Variants in DYNLT5 observed in about 807,000 individuals in gnomAD.
DYNLT5 encodes the protein dynein light chain Tctex-type 5.
DYNLT5 carries 25 observed loss-of-function variants against 19.3 expected under a neutral mutation model. That is an observed-to-expected ratio of 1.30 (90% CI 0.95 to 1.81). DYNLT5 has a LOEUF of 1.81. Ranked by LOEUF, DYNLT5 falls within the 40% of genes most tolerant of loss-of-function variation. DYNLT5 has a pLI of 0.00. For synonymous variants in DYNLT5, 82 were observed against 68.9 expected (o/e 1.19, Z -0.94); for missense variants, 232 against 217.9 (o/e 1.06, Z -0.41).
At chr1:66,773,958 G>A (rs951405935) in intron 3 of DYNLT5, among the ~76,000 whole-genome samples, 1 of 152,100 alleles carries the variant, frequency 6.6e-6, no homozygotes, top group African/African-American at 2.4e-5. Flanking sequence ...GGATGTTTAG[G>A]GGAAAGGTAA....
intron 3 of DYNLT5, among the ~76,000 whole-genome samples, chr1:66,774,386 G>GGGGA (rs1645222807): frequency 7.3e-6 from 1 of 136,092 alleles, no homozygotes; most frequent in Non-Finnish European, 1.6e-5. Flanking sequence ...AGGAGATGAT[G>GGGGA]GGGAGATCTT....
chr1:66,770,614 G>T, intron 3 of DYNLT5, 136 bp downstream of exon 3: 2 of 779,150 alleles, frequency 2.6e-6, no homozygotes, highest in South Asian at 1.4e-5. Context: ...TGAGTGATTT[G>T]ATGTTGCTTT....
chr1:66,756,440 T>C (rs1222243640), intron 2 of DYNLT5, among the ~76,000 whole-genome samples: 1 of 152,192 alleles, frequency 6.6e-6, no homozygotes, highest in African/African-American at 2.4e-5. Context: ...AGTAGAAAAA[T>C]TCTGAAAGCT....
chr1:66,778,988 G>T lies in DYNLT5; in HGVS notation c.*1534G>T, dbSNP rs947254447. On this transcript the variant is annotated 3_prime_UTR_variant, in exon 5 of 5. Coordinates refer to ENST00000282670, the MANE Select transcript of DYNLT5 (RefSeq NM_152665.3). ...CTCCCTTCGTGGAACAACAGCGGGG[G>T]TAATCATATCACTAATTTTGTATGA... Among the ~76,000 whole-genome samples the T allele has an allele frequency of 6.6e-6, 1 of 152,102 alleles. No homozygotes were observed. Among genetic ancestry groups the T allele is most frequent in the African/African-American group, 2.4e-5 (1 of 41,420 alleles).
chr1:66,756,414 G>A (rs2094636090), intron 2 of DYNLT5, among the ~76,000 whole-genome samples: 1 of 152,090 alleles, frequency 6.6e-6, no homozygotes, highest in African/African-American at 2.4e-5. Flanking sequence ...TCTCCTTCAT[G>A]AATGAGGCTT....
At chr1:66,759,769 T>C (rs534692100) in intron 2 of DYNLT5, among the ~76,000 whole-genome samples, 1 of 152,342 alleles carries the variant, frequency 6.6e-6, no homozygotes, top group East Asian at 1.9e-4. Context: ...GATATCGCCA[T>C]TTGGCAAAGA....
chr1:66,767,279 G>A (rs1313394227), intron 2 of DYNLT5, among the ~76,000 whole-genome samples: 1 of 152,064 alleles, frequency 6.6e-6, no homozygotes, highest in Non-Finnish European at 1.5e-5. Flanking sequence ...TTTTGAGACA[G>A]AGTCTTGCTC....
At chr1:66,764,784 A>T (rs2094651773) in intron 2 of DYNLT5, among the ~76,000 whole-genome samples, 1 of 152,244 alleles carries the variant, frequency 6.6e-6, no homozygotes, top group Non-Finnish European at 1.5e-5. Context: ...GTCACAATAA[A>T]TGAGATATGC....
At chr1:66,770,712 G>A in intron 3 of DYNLT5, 1 of 618,022 alleles carries the variant, frequency 1.6e-6, no homozygotes, top group South Asian at 1.6e-5. Context: ...TTCACTGGGT[G>A]GCACTGATGC....
chr1:66,757,481 T>A lies in DYNLT5; in HGVS notation c.119+2704T>A, dbSNP rs974351459. Reference sequence around the variant, plus strand: ...AAACATCTTAAGCTGGATCTTATTATCCTAACTGTTAGTGTGTTGGCATAT... The same window carrying A: ...AAACATCTTAAGCTGGATCTTATTAACCTAACTGTTAGTGTGTTGGCATAT... On this transcript the variant is annotated intron_variant, in intron 2 of 4. Transcript: ENST00000282670. Among the ~76,000 whole-genome samples, 9 of 152,312 alleles carry A rather than the reference T, an allele frequency of 5.9e-5. No individual in the cohort carries two copies. The East Asian group carries it at 1.3e-3, about 23-fold the overall frequency.
At chr1:66,755,776 G>A (rs2094635077) in intron 2 of DYNLT5, 1 of 152,188 alleles carries the variant, frequency 6.6e-6, no homozygotes, top group Non-Finnish European at 1.5e-5. Context: ...AAGTAAAGGT[G>A]GGAGAATGAT....
intron 2 of DYNLT5, among the ~76,000 whole-genome samples, chr1:66,765,453 C>T (rs1455342335): frequency 6.6e-6 from 1 of 152,074 alleles, no homozygotes. Flanking sequence ...TAATTAGATG[C>T]TATTGTGGCT....
At chr1:66,753,950 C>T (rs575269394) in intron 1 of DYNLT5, among the ~76,000 whole-genome samples, 1 of 146,030 alleles carries the variant, frequency 6.8e-6, no homozygotes, top group African/African-American at 2.6e-5. Context: ...GATCCTGTCT[C>T]TAAAATAATA....
chr1:66,754,891 A>G, intron 2 of DYNLT5, 114 bp downstream of exon 2: 4 of 1,166,798 alleles, frequency 3.4e-6, no homozygotes, highest in Non-Finnish European at 4.5e-6. Flanking sequence ...ATGGGCAAGT[A>G]CAAGGTGCAG....
intron 2 of DYNLT5, among the ~76,000 whole-genome samples, chr1:66,767,857 T>C (rs144964146): frequency 3.9e-5 from 6 of 152,268 alleles, no homozygotes; most frequent in African/African-American, 9.6e-5. Context: ...GCATTAGTTC[T>C]TTTGAGGAAC....
chr1:66,769,772 T>C lies in DYNLT5; in HGVS notation c.120-615T>C, dbSNP rs899289019. Among the ~76,000 whole-genome samples the C allele has an allele frequency of 3.3e-5, 5 of 152,284 alleles. No individual in the cohort carries two copies. In the South Asian group the frequency reaches 6.2e-4, roughly 19 times the overall value. Reference sequence around the variant, plus strand: ...CCAGGATAAGCTCATATTGCCTTGATAACGAAACCAAAACCCTTTTTCGAT... The same window carrying C: ...CCAGGATAAGCTCATATTGCCTTGACAACGAAACCAAAACCCTTTTTCGAT... On this transcript the variant is annotated intron_variant, in intron 2 of 4. Coordinates refer to ENST00000282670, the MANE Select transcript of DYNLT5 (RefSeq NM_152665.3).
At chr1:66,776,568 T>TGG (rs1557875511) in intron 4 of DYNLT5, among the ~76,000 whole-genome samples, 165 bp downstream of exon 4, 1 of 151,238 alleles carries the variant, frequency 6.6e-6, no homozygotes, top group African/African-American at 2.4e-5. Context: ...TGGGTGTGTG[T>TGG]GTGTGTGTGT....
At chr1:66,767,331 T>G (rs1474425619) in intron 2 of DYNLT5, among the ~76,000 whole-genome samples, 1 of 152,204 alleles carries the variant, frequency 6.6e-6, no homozygotes, top group African/African-American at 2.4e-5. Context: ...CTCAGCTCAC[T>G]GCAACCTCTA....
intron 3 of DYNLT5, chr1:66,775,652 T>C (rs922995164): frequency 4.6e-5 from 7 of 152,166 alleles, no homozygotes; most frequent in South Asian, 2.1e-4. Context: ...AGGAGGGACA[T>C]TTTTACCTGA....
Sources: gnomAD v4.1 joint callset for allele counts (sites outside exome capture counted in the v4.1 genomes callset) on GRCh38, gnomAD v4.1.1 for gene constraint, MANE v1.5 for transcripts, NCBI Gene and HGNC (gene_info 2026-07-23, HGNC 2026-07-21) for gene names.